The following SLCO1A2 variants were observed in gnomAD, a reference collection of about 807,000 sequenced individuals.
SLCO1A2 encodes the protein solute carrier organic anion transporter family member 1A2.
In SLCO1A2, 67 loss-of-function variants were observed where a neutral mutation model predicts 69.0. That is an observed-to-expected ratio of 0.97 (90% CI 0.80 to 1.19). SLCO1A2 has a LOEUF of 1.19. Ranked by LOEUF, SLCO1A2 falls within the 50% of genes most tolerant of loss-of-function variation. The pLI is 0.00. For synonymous variants in SLCO1A2, 260 were observed against 265.9 expected, an observed-to-expected ratio of 0.98 and a Z score of 0.22; for missense variants, 787 against 793.7, an observed-to-expected ratio of 0.99 and a Z score of 0.10.
chr12:21,404,851 C>T (rs1316848628), intron 1 of SLCO1A2, among the ~76,000 whole-genome samples: 1 of 152,154 alleles, frequency 6.6e-6, no homozygotes, highest in Admixed American at 6.5e-5. Context: ...ACATTCCCAC[C>T]AACAGTGTAA....
Position 21,413,865 on chromosome 12 carries a change from A to C in SLCO1A2, c.-312+4017T>G, listed in dbSNP as rs182764924. ...GAGTCTAAGACAGCTCTCCAGATCAAGCTGTAAAGAAGATAAGCTAGAAAT... is the reference window on the plus strand; with the variant it reads ...GAGTCTAAGACAGCTCTCCAGATCACGCTGTAAAGAAGATAAGCTAGAAAT... On this transcript the variant is annotated intron_variant, in intron 1 of 4. Transcript: ENST00000413682. Among the ~76,000 whole-genome samples the C allele has an allele frequency of 2.3e-3, 351 of 152,236 alleles. 2 individuals are homozygous for C. The highest frequency in any genetic ancestry group is 7.9e-3 in the African/African-American group (328 of 41,554).
At chr12:21,404,296 T>A (rs560686957) in intron 1 of SLCO1A2, among the ~76,000 whole-genome samples, 2 of 152,224 alleles carry the variant, frequency 1.3e-5, no homozygotes, top group East Asian at 3.9e-4. Flanking sequence ...GTTACATAGG[T>A]AAAAATGTGC....
At chr12:21,409,675 A>G (rs2137203993) in intron 1 of SLCO1A2, among the ~76,000 whole-genome samples, 1 of 152,302 alleles carries the variant, frequency 6.6e-6, no homozygotes, top group African/African-American at 2.4e-5. Flanking sequence ...ATCCCAATGC[A>G]AAGTATTAAG....
intron 1 of SLCO1A2, chr12:21,379,569 G>T (rs1411043460): frequency 6.6e-6 from 1 of 152,030 alleles, no homozygotes; most frequent in East Asian, 1.9e-4. Flanking sequence ...CACTTTTTTT[G>T]ATAGCAGCTG....
At chr12:21,292,438 C>G in intron 11 of SLCO1A2, 102 bp from the exon 12 acceptor site, 2 of 777,988 alleles carry the variant, frequency 2.6e-6, no homozygotes, top group Non-Finnish European at 4.0e-6. Context: ...ACTGCTTGTT[C>G]CCTTTACTCC....
intron 2 of SLCO1A2, among the ~76,000 whole-genome samples, chr12:21,322,973 T>G (rs995883534): frequency 5.3e-5 from 8 of 152,166 alleles, no homozygotes; most frequent in Non-Finnish European, 1.5e-5. Context: ...GCTGCCTGCT[T>G]GAGATCCACC....
intron 2 of SLCO1A2, among the ~76,000 whole-genome samples, chr12:21,350,520 A>G (rs927498261): frequency 1.3e-5 from 2 of 152,174 alleles, no homozygotes; most frequent in East Asian, 3.9e-4. Context: ...TTAAATTGAC[A>G]TGCAAATAAA....
chr12:21,415,195 T>G (rs1941970198), intron 1 of SLCO1A2, among the ~76,000 whole-genome samples: 2 of 152,048 alleles, frequency 1.3e-5, no homozygotes, highest in Admixed American at 6.6e-5. Flanking sequence ...TTGTTTTATA[T>G]TCTTTCTTAC....
In SLCO1A2 at chr12:21,327,424, T is replaced by C. The variant is rs181988888; in HGVS notation, c.60+7164A>G. 1.5e-4 allele frequency among the ~76,000 whole-genome samples: 23 copies of C among 152,220 alleles called. No individual in the cohort carries two copies. In the East Asian group the frequency reaches 4.5e-3, roughly 30 times the overall value. On this transcript the variant is annotated intron_variant, in intron 2 of 14. Transcript: ENST00000683939. ...CACCATCCTCCAGATCCCAGAATGG[T>C]AGATCCATCAACAACTTGAACCATG...
intron 2 of SLCO1A2, among the ~76,000 whole-genome samples, chr12:21,347,702 A>AGGAAGGAAGGAAGGAAGGAAG (rs1555122088): frequency 6.7e-6 from 1 of 148,202 alleles, no homozygotes; most frequent in African/African-American, 2.6e-5. Context: ...GGAAGGAAGA[A>AGGAAGGAAGGAAGGAAGGAAG]GGAAAAAAGG....
chr12:21,401,311 G>C (rs1941696294), intron 1 of SLCO1A2, among the ~76,000 whole-genome samples: 1 of 151,526 alleles, frequency 6.6e-6, no homozygotes, highest in African/African-American at 2.4e-5. Flanking sequence ...TCTTTATGCT[G>C]GCAGTATAAT....
At chr12:21,319,395 G>A in intron 2 of SLCO1A2, 5 of 1,367,942 alleles carry the variant, frequency 3.7e-6, no homozygotes, top group Non-Finnish European at 4.9e-6. Context: ...ACTCTTTCCT[G>A]TTCTTGCTTG....
At chr12:21,404,641 G>A (rs1941792738) in intron 1 of SLCO1A2, among the ~76,000 whole-genome samples, 1 of 152,120 alleles carries the variant, frequency 6.6e-6, no homozygotes, top group South Asian at 2.1e-4. Context: ...TATCACTGAT[G>A]GGCATTTGGG....
rs569304891 is a variant in SLCO1A2, at chr12:21,346,827, A to C, written c.-62-12118T>G. Among the ~76,000 whole-genome samples the C allele has an allele frequency of 4.6e-5, 7 of 152,304 alleles. No individual in the cohort carries two copies. The East Asian group carries it at 1.4e-3, about 29-fold the overall frequency. On this transcript the variant is annotated intron_variant, in intron 2 of 15. Coordinates refer to the SLCO1A2 transcript ENST00000307378. ...ATGAATTACAAGCCATACATACACC[A>C]TTGGTGCCATTAATAGTAGGCTCAT...
intron 1 of SLCO1A2, among the ~76,000 whole-genome samples, chr12:21,407,930 T>C (rs1453781144): frequency 1.3e-5 from 2 of 151,804 alleles, no homozygotes; most frequent in Non-Finnish European, 2.9e-5. Flanking sequence ...ATATGGTCAA[T>C]GGGTATAAGT....
chr12:21,343,705 A>G (rs1249050678), intron 2 of SLCO1A2, among the ~76,000 whole-genome samples: 1 of 152,106 alleles, frequency 6.6e-6, no homozygotes, highest in Non-Finnish European at 1.5e-5. Flanking sequence ...TGATTAAGGG[A>G]TAACTAATCC....
intron 1 of SLCO1A2, among the ~76,000 whole-genome samples, chr12:21,388,457 G>C (rs1292212459): frequency 6.6e-6 from 1 of 152,072 alleles, no homozygotes; most frequent in Non-Finnish European, 1.5e-5. Flanking sequence ...AAGATCTGAT[G>C]ATTGTATAAA....
At chr12:21,312,089 G>A (rs1950290004) in intron 4 of SLCO1A2, among the ~76,000 whole-genome samples, 2 of 151,450 alleles carry the variant, frequency 1.3e-5, no homozygotes, top group South Asian at 4.2e-4. Context: ...AGGAGGAGGA[G>A]GAAGGAGAAG....
Position 21,269,744 on chromosome 12 carries a change from G to C in SLCO1A2, c.1817C>G (p.Ala606Gly). 1 of 1,610,588 alleles carries C rather than the reference G, an allele frequency of 6.2e-7. No individual in the cohort carries two copies. Among genetic ancestry groups the C allele is most frequent in the Non-Finnish European group, 8.5e-7 (1 of 1,177,954 alleles). The change falls in exon 15 of 15, where the codon GCA becomes GGA. Residue 606 changes from alanine (A) to glycine (G), a missense_variant. Ala to Gly is a moderately conservative substitution (Grantham distance 60). Coordinates refer to ENST00000683939, the MANE Select transcript of SLCO1A2 (RefSeq NM_001386879.1). ...TFRYIYLGLP[A>G]ALRGSSFVPA... The stretch of plus-strand genomic sequence containing the variant: ...AACAAAGCTTGATCCTCTTAGTGCT[G>C]CCGGCAATCCGAGGTAGATGTATCT...
Sources: allele counts gnomAD v4.1 joint callset (sites outside exome capture counted in the v4.1 genomes callset), GRCh38; gene constraint gnomAD v4.1.1; transcripts MANE v1.5; gene names NCBI Gene and HGNC (gene_info 2026-07-23, HGNC 2026-07-21).